Variants in KIF21B observed in about 807,000 individuals in gnomAD.
The protein encoded by KIF21B is kinesin family member 21B.
KIF21B carries 85 observed loss-of-function variants against 192.9 expected under a neutral mutation model. The observed-to-expected ratio is 0.44, with a 90% CI of 0.37 to 0.53. The LOEUF (loss-of-function observed/expected upper bound fraction) is 0.53. KIF21B is among the 20% of genes least tolerant of loss of function. KIF21B has a pLI of 0.00. For synonymous variants in KIF21B, 832 were observed against 884.6 expected, an observed-to-expected ratio of 0.94 and a Z score of 1.05; for missense variants, 1,716 against 2,194.8, an observed-to-expected ratio of 0.78 and a Z score of 4.36.
At chr1:200,979,507 C>T (rs768978697) in intron 30 of KIF21B, 28 bp downstream of exon 30, 5 of 1,496,698 alleles carry the variant, frequency 3.3e-6, no homozygotes, top group Non-Finnish European at 4.5e-6. Context: ...TGCAGCCGAC[C>T]ACTGTGAGGC....
chr1:201,023,194 C>T lies in KIF21B; in HGVS notation c.41+149G>A, dbSNP rs1254583673. ...CTCCCCTGCGGCAGACTGGCCAGCG[C>T]GCGGCGCCCTCCATCCCGTCCCACG... On this transcript the variant is annotated intron_variant, in intron 1 of 34. Transcript: ENST00000461742. This position sits in a 1 kb window ranked among gnomAD's most constrained non-coding sequence, Gnocchi z 5.9. The T allele has an allele frequency of 6.9e-6, 4 of 579,700 alleles. No homozygotes were observed. In the East Asian group the frequency reaches 1.4e-4, roughly 21 times the overall value. The allele number at this position is 579,700 out of a possible 1,614,324, so 35.9% of individuals were successfully genotyped here. A position where few individuals can be genotyped will look rare whatever the true frequency, so the allele number is the denominator to read the frequency against.
chr1:201,007,867 G>C (rs2102460390), intron 3 of KIF21B, among the ~76,000 whole-genome samples: 1 of 152,226 alleles, frequency 6.6e-6, no homozygotes, highest in East Asian at 1.9e-4. Flanking sequence ...CACACACACA[G>C]ATACAAACAC....
intron 24 of KIF21B, among the ~76,000 whole-genome samples, chr1:200,987,694 T>C (rs1209159716): frequency 6.6e-6 from 1 of 152,266 alleles, no homozygotes; most frequent in Non-Finnish European, 1.5e-5. Context: ...TTCACGGCCC[T>C]TAGTTGGACT....
intron 1 of KIF21B, among the ~76,000 whole-genome samples, chr1:201,009,924 C>A (rs531237190): frequency 6.6e-6 from 1 of 152,214 alleles, no homozygotes; most frequent in Non-Finnish European, 1.5e-5. Flanking sequence ...CCTGATTGGA[C>A]CAGAAGCCCT....
Position 201,008,923 on chromosome 1 carries a change from C to A in KIF21B, c.293G>T (p.Gly98Val). Residue 98 changes from glycine (G) to valine (V), a missense_variant, in exon 3 of 35, where the codon GGC (glycine) becomes GTC (valine). Gly to Val is a moderately radical substitution (Grantham distance 109). Transcript: ENST00000461742. ...CGACGTTGCCATGTCAAAGCCAGTG[C>A]CCATGGTGTACGTCTTCCCGGCCCC... ...QTGAGKTYTM[G>V]TGFDMATSEE... is the part of the protein sequence containing the mutation. The A allele has an allele frequency of 6.2e-7, 1 of 1,611,406 alleles. No homozygotes were observed. The highest frequency in any genetic ancestry group is 8.5e-7 in the Non-Finnish European group (1 of 1,179,916).
intron 24 of KIF21B, among the ~76,000 whole-genome samples, chr1:200,987,867 A>G (rs1246025334): frequency 6.6e-6 from 1 of 152,202 alleles, no homozygotes. Flanking sequence ...CTGATCCCTC[A>G]TTATTAGGTA....
At chr1:200,997,763 A>C (rs955407413) in intron 14 of KIF21B, among the ~76,000 whole-genome samples, 7 of 152,080 alleles carry the variant, frequency 4.6e-5, no homozygotes, top group Non-Finnish European at 1.0e-4. Flanking sequence ...AAAACAAAAC[A>C]AAACAAAACT....
chr1:200,988,973 G>A (rs201001718), intron 21 of KIF21B, 42 bp from the exon 22 acceptor site: 2 of 1,563,324 alleles, frequency 1.3e-6, no homozygotes, highest in Non-Finnish European at 1.7e-6. Context: ...CCTCCTGGGG[G>A]TTGGGAGTCA....
In KIF21B at chr1:200,988,558, G is replaced by C; in HGVS notation, c.3299-14C>G. 1 of 1,514,230 alleles carries C rather than the reference G, an allele frequency of 6.6e-7. No individual in the cohort carries two copies. Among genetic ancestry groups the C allele is most frequent in the South Asian group, 1.2e-5 (1 of 84,768 alleles). 93.8% of individuals were successfully genotyped at this position (1,514,230 alleles called of 1,614,324 possible). A position where few individuals can be genotyped will look rare whatever the true frequency, so the allele number is the denominator to read the frequency against. On this transcript the variant is annotated splice_polypyrimidine_tract_variant and intron_variant, in intron 22 of 34. Coordinates refer to ENST00000461742, the MANE Select transcript of KIF21B (RefSeq NM_001252102.2). ...CGTAGCCATTCTCTGTGGGAGGGCG[G>C]GAGGGAGGGAAAGGGGTTGAGAAGC... is the stretch of plus-strand genomic sequence containing the variant.
In KIF21B at chr1:200,990,356, G is replaced by A. The variant is rs1284390781; in HGVS notation, c.2836-24C>T. 2.5e-6 allele frequency: 4 copies of A among 1,581,136 alleles called. No individual in the cohort carries two copies. Among genetic ancestry groups the A allele is most frequent in the Non-Finnish European group, 2.6e-6 (3 of 1,164,314 alleles). On this transcript the variant is annotated intron_variant, in intron 19 of 34. Transcript: ENST00000461742. This position sits in a 1 kb window ranked among gnomAD's most constrained non-coding sequence, Gnocchi z 5.4. ...TTCTGGGGTCAGAGGGGAGGGTGGT[G>A]ATTGTGATGAAGGAGAGGCCTCAGG...
Position 200,990,392 on chromosome 1 carries a change from G to A in KIF21B, c.2836-60C>T. On this transcript the variant is annotated intron_variant, in intron 19 of 34. Transcript: ENST00000461742. This position sits in a 1 kb window ranked among gnomAD's most constrained non-coding sequence, Gnocchi z 5.4. Reference sequence around the variant, plus strand: ...AGGAGAGGCCTCAGGTAGCTGCCAAGCCCTGCCCATAGCTTCCACCACAGG... The same window carrying A: ...AGGAGAGGCCTCAGGTAGCTGCCAAACCCTGCCCATAGCTTCCACCACAGG... The A allele has an allele frequency of 3.3e-6, 5 of 1,521,438 alleles. No individual in the cohort carries two copies. The highest frequency in any genetic ancestry group is 4.4e-6 in the Non-Finnish European group (5 of 1,125,970). The allele number at this position is 1,521,438 out of a possible 1,614,324, so 94.2% of individuals were successfully genotyped here.
chr1:201,005,789 G>A (rs773262215), intron 3 of KIF21B, 95 bp from the exon 4 acceptor site: 306 of 1,315,782 alleles, frequency 2.3e-4, no homozygotes, highest in Non-Finnish European at 2.9e-4. Flanking sequence ...TTACAGATGT[G>A]GAAACTGAGG....
At position 200,998,720 on chromosome 1, in the gene KIF21B, A is replaced by G. The variant is rs1657243641; in HGVS notation, c.1886-145T>C. On this transcript the variant is annotated intron_variant, in intron 13 of 34. Transcript: ENST00000461742. This position sits in a 1 kb window ranked among gnomAD's most constrained non-coding sequence, Gnocchi z 4.3. ...GAGACTGGGCAAAATGATAAATCCT[A>G]ATGCAGGTAGAATGCGGCCAGAAGG... 3.0e-6 allele frequency: 2 copies of G among 674,994 alleles called. No homozygotes were observed. Among genetic ancestry groups the G allele is most frequent in the Admixed American group, 2.8e-5 (1 of 35,938 alleles). The allele number at this position is 674,994 out of a possible 1,614,324, so 41.8% of individuals were successfully genotyped here. A position where few individuals can be genotyped will look rare whatever the true frequency, so the allele number is the denominator to read the frequency against.
chr1:201,012,869 C>T (rs183486430), intron 1 of KIF21B, among the ~76,000 whole-genome samples: 8 of 152,250 alleles, frequency 5.3e-5, no homozygotes, highest in Non-Finnish European at 1.0e-4. Flanking sequence ...GTCTCGAACT[C>T]CTGAGCTCAA....
intron 7 of KIF21B, 93 bp downstream of exon 7, chr1:201,004,247 C>A: frequency 9.3e-7 from 1 of 1,070,672 alleles, no homozygotes. Flanking sequence ...CCTCCTCCTC[C>A]TGGGGCAGGC....
chr1:200,975,519 C>A lies in KIF21B; in HGVS notation c.4594G>T (p.Asp1532Tyr). The change falls in exon 33 of 35, where the codon GAC becomes TAC. Residue 1532 changes from aspartate to tyrosine, a missense_variant. Coordinates refer to ENST00000461742, the MANE Select transcript of KIF21B (RefSeq NM_001252102.2). This position sits in a 1 kb window ranked among gnomAD's most constrained non-coding sequence, Gnocchi z 4.3. ...CCCACCTGGATGAGCTCCTGCTGGTCTAGGTCCCACTTCTTGATGCCGTTA... is the reference window on the plus strand; with the variant it reads ...CCCACCTGGATGAGCTCCTGCTGGTATAGGTCCCACTTCTTGATGCCGTTA... Reference protein sequence around the residue: ...RDNGIKKWDLDQQELIQQIPN... With the variant: ...RDNGIKKWDLYQQELIQQIPN... 6.2e-7 allele frequency: 1 copy of A among 1,613,096 alleles called. No individual in the cohort carries two copies. Among genetic ancestry groups the A allele is most frequent in the South Asian group, 1.1e-5 (1 of 90,956 alleles).
intron 28 of KIF21B, among the ~76,000 whole-genome samples, chr1:200,981,742 C>T (rs1655945527): frequency 6.6e-6 from 1 of 152,134 alleles, no homozygotes; most frequent in African/African-American, 2.4e-5. Context: ...TTGGGGCTGG[C>T]TTGGCTTTGG....
At chr1:201,008,636 G>A (rs1289967212) in intron 3 of KIF21B, 133 bp downstream of exon 3, 1 of 839,050 alleles carries the variant, frequency 1.2e-6, no homozygotes, top group Admixed American at 2.4e-5. Flanking sequence ...TCTTTCAATA[G>A]CAGGGAACTC....
chr1:200,977,346 G>A lies in KIF21B; in HGVS notation c.4191C>T (p.Ala1397=). ...TSSGQVISGD[A]CAATSTRAIT... ...TGGCACGGGTGGATGTGGCGGCACA[G>A]GCATCCCCTGAGATCACCTGGCCCG... The change falls in exon 31 of 35, where the codon GCC becomes GCT. Residue 1397 remains alanine, a synonymous_variant. Coordinates refer to ENST00000461742, the MANE Select transcript of KIF21B (RefSeq NM_001252102.2). 6.2e-7 allele frequency: 1 copy of A among 1,614,220 alleles called. No individual in the cohort carries two copies. Among genetic ancestry groups the A allele is most frequent in the Non-Finnish European group, 8.5e-7 (1 of 1,180,020 alleles).
Sources: allele counts gnomAD v4.1 joint callset (sites outside exome capture counted in the v4.1 genomes callset), GRCh38; gene constraint gnomAD v4.1.1; non-coding constraint Gnocchi (gnomAD v3.1); transcripts MANE v1.5; gene names NCBI Gene and HGNC (gene_info 2026-07-23, HGNC 2026-07-21).